The following MCC variants were observed in gnomAD, a reference collection of about 807,000 sequenced individuals.
MCC encodes colorectal mutant cancer protein.
A neutral mutation model predicts 116.2 loss-of-function variants in MCC; 90 were observed. That is an observed-to-expected ratio of 0.77 (90% CI 0.65 to 0.92). The LOEUF (loss-of-function observed/expected upper bound fraction) is 0.92. Ranked by LOEUF, MCC falls within the 40% of genes least tolerant of loss-of-function variation. The probability of loss-of-function intolerance (pLI) is 0.00; values close to 1 mark genes in which losing one functional copy is unlikely to be tolerated. For synonymous variants in MCC, 578 were observed against 510.5 expected (o/e 1.13, Z -1.78); for missense variants, 1,516 against 1,312.2 (o/e 1.16, Z -2.40).
At chr5:113,051,747 C>CA (rs1179111312) in intron 15 of MCC, among the ~76,000 whole-genome samples, 2 of 148,950 alleles carry the variant, frequency 1.3e-5, no homozygotes, top group African/African-American at 4.9e-5. Flanking sequence ...AACAAACAAA[C>CA]AACAACAAAA....
intron 2 of MCC, among the ~76,000 whole-genome samples, chr5:113,369,259 C>T (rs1201768769): frequency 1.3e-5 from 2 of 151,728 alleles, no homozygotes; most frequent in South Asian, 4.2e-4. Flanking sequence ...CTGCCTTGGT[C>T]TTTTCAGTGA....
At chr5:113,208,546 G>A (rs149363187) in intron 3 of MCC, among the ~76,000 whole-genome samples, 4 of 152,184 alleles carry the variant, frequency 2.6e-5, no homozygotes, top group African/African-American at 4.8e-5. Flanking sequence ...TAGGTTCTTC[G>A]AGATGGGATT....
chr5:113,429,393 G>A (rs115064756), intron 1 of MCC, among the ~76,000 whole-genome samples: 1,897 of 152,148 alleles, frequency 0.012, 12 homozygotes, highest in South Asian at 0.031. Context: ...TCTTAATCTT[G>A]GATCTCCTAG....
chr5:113,288,584 C>G (rs1395341530), intron 3 of MCC, among the ~76,000 whole-genome samples: 1 of 152,220 alleles, frequency 6.6e-6, no homozygotes. Context: ...TCCCTTTACT[C>G]TAATCATATC....
rs1310035865 is a variant in MCC, at chr5:113,151,394, T to A, written c.656A>T (p.Lys219Met). Reference protein sequence around the residue: ...TLHSAALASLKGDIVELNKRL... With the variant: ...TLHSAALASLMGDIVELNKRL... Reference sequence around the variant, plus strand: ...TTTATTAAGTTCCACTATATCTCCCTTTAGTGATGCCAGGGCTGCTGAATG... The same window carrying A: ...TTTATTAAGTTCCACTATATCTCCCATTAGTGATGCCAGGGCTGCTGAATG... Residue 219 changes from lysine (K) to methionine (M), a missense_variant, in exon 4 of 19, where the codon AAG (lysine) becomes ATG (methionine). By Grantham distance (95) the Lys-to-Met change is moderately conservative. Coordinates refer to ENST00000408903, the MANE Select transcript of MCC (RefSeq NM_001085377.2). The A allele has an allele frequency of 6.2e-7, 1 of 1,612,426 alleles. No homozygotes were observed. Among genetic ancestry groups the A allele is most frequent in the South Asian group, 1.1e-5 (1 of 90,884 alleles).
chr5:113,300,936 A>T (rs565478361), intron 3 of MCC, among the ~76,000 whole-genome samples: 25 of 152,240 alleles, frequency 1.6e-4, no homozygotes, highest in Admixed American at 3.9e-4. Flanking sequence ...AAAAACATGG[A>T]CAACCTGCAA....
intron 3 of MCC, among the ~76,000 whole-genome samples, chr5:113,175,771 GAT>G (rs1561428714): frequency 6.6e-6 from 1 of 151,912 alleles, no homozygotes. Flanking sequence ...TTAAGGAAGA[GAT>G]ATAGTCATCC....
intron 3 of MCC, among the ~76,000 whole-genome samples, chr5:113,235,860 C>A (rs1408076778): frequency 6.6e-6 from 1 of 152,186 alleles, no homozygotes; most frequent in Admixed American, 6.5e-5. Flanking sequence ...CTGCAGAACA[C>A]AAAGAACTGG....
intron 18 of MCC, among the ~76,000 whole-genome samples, chr5:113,028,325 G>A (rs1750715713): frequency 6.6e-6 from 1 of 152,134 alleles, no homozygotes; most frequent in African/African-American, 2.4e-5. Flanking sequence ...AGAATTGTAA[G>A]ACCAGTGCCA....
chr5:113,117,118 A>G (rs924220131), intron 6 of MCC, among the ~76,000 whole-genome samples: 14 of 152,230 alleles, frequency 9.2e-5, no homozygotes, highest in Admixed American at 3.3e-4. Context: ...TTACCTGTGT[A>G]AACACATTTC....
At chr5:113,158,005 G>T (rs1169324673) in intron 3 of MCC, among the ~76,000 whole-genome samples, 1 of 152,200 alleles carries the variant, frequency 6.6e-6, no homozygotes, top group Non-Finnish European at 1.5e-5. Context: ...GCTAATGGGT[G>T]GGGAGCACAG....
At chr5:113,117,512 T>C (rs10076739) in intron 6 of MCC, among the ~76,000 whole-genome samples, 9,176 of 152,298 alleles carry the variant, frequency 0.06, 604 homozygotes, top group African/African-American at 0.17. Context: ...TATTTCAACC[T>C]TGAGGGTATA....
chr5:113,203,697 C>G (rs1440816299), intron 3 of MCC, among the ~76,000 whole-genome samples: 1 of 152,132 alleles, frequency 6.6e-6, no homozygotes, highest in African/African-American at 2.4e-5. Flanking sequence ...AAAAAAACAA[C>G]GCTGGATCTT....
Position 113,475,507 on chromosome 5 carries a change from G to C in MCC, c.170+12738C>G, listed in dbSNP as rs114085248. Among the ~76,000 whole-genome samples, 979 of 152,190 alleles carry C rather than the reference G, an allele frequency of 6.4e-3. 6 individuals carry two copies. The highest frequency in any genetic ancestry group is 0.022 in the African/African-American group (915 of 41,514). Reference sequence around the variant, plus strand: ...ATCGATAATCAATGGCATAAATTTAGTAATGACTCATTTACATATTTAAAC... The same window carrying C: ...ATCGATAATCAATGGCATAAATTTACTAATGACTCATTTACATATTTAAAC... On this transcript the variant is annotated intron_variant, in intron 1 of 18. Coordinates refer to ENST00000408903, the MANE Select transcript of MCC (RefSeq NM_001085377.2).
At chr5:113,474,365 C>T in intron 1 of MCC, among the ~76,000 whole-genome samples, 1 of 152,152 alleles carries the variant, frequency 6.6e-6, no homozygotes. Flanking sequence ...AGAGGGTGCT[C>T]ACCAGACAGG....
chr5:113,045,510 T>A (rs1421161222), intron 16 of MCC, among the ~76,000 whole-genome samples: 1 of 152,106 alleles, frequency 6.6e-6, no homozygotes, highest in African/African-American at 2.4e-5. Flanking sequence ...ACATAAAGTA[T>A]TACTAGAGGC....
intron 1 of MCC, among the ~76,000 whole-genome samples, chr5:113,416,579 T>C (rs868841440): frequency 6.6e-6 from 1 of 152,198 alleles, no homozygotes; most frequent in Admixed American, 6.5e-5. Flanking sequence ...TATCTATACA[T>C]AAATGCATGT....
At chr5:113,288,605 T>G (rs1437819350) in intron 3 of MCC, among the ~76,000 whole-genome samples, 1 of 152,236 alleles carries the variant, frequency 6.6e-6, no homozygotes, top group Non-Finnish European at 1.5e-5. Context: ...ATTTCATTTT[T>G]ATCAAAATAT....
intron 6 of MCC, among the ~76,000 whole-genome samples, chr5:113,117,836 T>C (rs1181419442): frequency 6.6e-6 from 1 of 152,216 alleles, no homozygotes; most frequent in Non-Finnish European, 1.5e-5. Context: ...TATTTTAATA[T>C]GAAGGGCCGC....
Sources: allele counts gnomAD v4.1 joint callset (sites outside exome capture counted in the v4.1 genomes callset), GRCh38; gene constraint gnomAD v4.1.1; transcripts MANE v1.5; gene names NCBI Gene and HGNC (gene_info 2026-07-23, HGNC 2026-07-21).